The following MALRD1 variants were observed in gnomAD, a reference collection of about 807,000 sequenced individuals.
MALRD1 encodes the protein MAM and LDL receptor class A domain containing 1.
In MALRD1, 247 loss-of-function variants were observed where a neutral mutation model predicts 242.1. That is an observed-to-expected ratio of 1.02 (90% CI 0.92 to 1.13). The LOEUF (loss-of-function observed/expected upper bound fraction) is 1.13, where lower values mean the gene tolerates loss of function less well. Ranked by LOEUF, MALRD1 falls within the 50% of genes most tolerant of loss-of-function variation. MALRD1 has a pLI of 0.00. For missense variants in MALRD1, 2,989 were observed against 2,533.1 expected, an observed-to-expected ratio of 1.18 and a Z score of -3.86; for synonymous variants, 995 against 866.6, an observed-to-expected ratio of 1.15 and a Z score of -2.60.
At chr10:19,576,127 T>A (rs537080631) in intron 33 of MALRD1, among the ~76,000 whole-genome samples, 1 of 152,132 alleles carries the variant, frequency 6.6e-6, no homozygotes, top group African/African-American at 2.4e-5. Context: ...GCAAGTGAGG[T>A]TGACAACATT....
At chr10:19,662,843 G>C (rs997320985) in intron 36 of MALRD1, among the ~76,000 whole-genome samples, 3 of 152,114 alleles carry the variant, frequency 2.0e-5, no homozygotes, top group African/African-American at 7.2e-5. Context: ...ACCCAGGTAA[G>C]TGGGATGTGG....
intron 28 of MALRD1, among the ~76,000 whole-genome samples, chr10:19,430,132 T>TTTTG (rs60561217): frequency 6.9e-6 from 1 of 144,404 alleles, no homozygotes; most frequent in Non-Finnish European, 1.5e-5. Context: ...TTTTTTTTTT[T>TTTTG]GAGATGGAGG....
intron 14 of MALRD1, among the ~76,000 whole-genome samples, chr10:19,182,840 T>C (rs544436005): frequency 2.3e-4 from 35 of 152,258 alleles, no homozygotes; most frequent in Admixed American, 2.2e-3. Flanking sequence ...ACTTAGTAAA[T>C]GCTGTCGAGA....
chr10:19,059,033 T>C (rs1020227565), intron 1 of MALRD1, among the ~76,000 whole-genome samples: 5 of 152,260 alleles, frequency 3.3e-5, no homozygotes, highest in African/African-American at 1.2e-4. Flanking sequence ...AATGAGTTCA[T>C]GCAAAAAGTC....
intron 38 of MALRD1, among the ~76,000 whole-genome samples, chr10:19,702,531 A>G (rs1833674186): frequency 6.6e-6 from 1 of 152,206 alleles, no homozygotes; most frequent in African/African-American, 2.4e-5. Context: ...CTGGGATTGT[A>G]TGCATAATTT....
rs916893051 is a variant in MALRD1, at chr10:19,184,241, T to C, written c.1951+8913T>C. Among the ~76,000 whole-genome samples the C allele has an allele frequency of 2.6e-5, 4 of 152,334 alleles. No homozygotes were observed. In the East Asian group the frequency reaches 7.7e-4, roughly 29 times the overall value. ...TTTTCATTTAAGGGAATGTTTAACA[T>C]GATCTGCACATCTTAGCTCTCAAGT... On this transcript the variant is annotated intron_variant, in intron 14 of 39. Coordinates refer to ENST00000454679, the MANE Select transcript of MALRD1 (RefSeq NM_001142308.3).
intron 33 of MALRD1, among the ~76,000 whole-genome samples, chr10:19,586,400 T>G (rs1429298873): frequency 1.3e-5 from 2 of 152,140 alleles, no homozygotes; most frequent in African/African-American, 4.8e-5. Context: ...ACAGATGGGT[T>G]TTTGGTGTGG....
intron 34 of MALRD1, among the ~76,000 whole-genome samples, chr10:19,597,773 G>A (rs1220236428): frequency 6.6e-6 from 1 of 152,170 alleles, no homozygotes; most frequent in Non-Finnish European, 1.5e-5. Flanking sequence ...AGCACCTCGT[G>A]TTAGAAGGCA....
intron 14 of MALRD1, among the ~76,000 whole-genome samples, chr10:19,179,697 T>C (rs1835414663): frequency 6.6e-6 from 1 of 152,228 alleles, no homozygotes; most frequent in South Asian, 2.1e-4. Flanking sequence ...TTTATTAAAT[T>C]ATTTTTAACA....
intron 13 of MALRD1, among the ~76,000 whole-genome samples, chr10:19,170,558 A>G (rs1210175106): frequency 2.0e-5 from 3 of 152,182 alleles, no homozygotes; most frequent in Non-Finnish European, 4.4e-5. Flanking sequence ...GGTAAGATTC[A>G]TAACACAAAA....
In MALRD1 at chr10:19,443,324, G is replaced by C. The variant is rs374655426; in HGVS notation, c.4846-6983G>C. On this transcript the variant is annotated intron_variant, in intron 28 of 39. Transcript: ENST00000454679. ...TTTTATTGTGTTTCTATCTCCTTCA[G>C]TTCTGCTCTGATCATAGTTATTTCT... Among the ~76,000 whole-genome samples, 8 of 152,204 alleles carry C rather than the reference G, an allele frequency of 5.3e-5. No individual in the cohort carries two copies. The East Asian group carries it at 1.6e-3, about 29-fold the overall frequency.
At chr10:19,306,564 T>C (rs964316004) in intron 21 of MALRD1, among the ~76,000 whole-genome samples, 3 of 148,490 alleles carry the variant, frequency 2.0e-5, no homozygotes, top group African/African-American at 4.9e-5. Flanking sequence ...AGTATGGTAG[T>C]ATATATATAC....
intron 29 of MALRD1, among the ~76,000 whole-genome samples, chr10:19,485,191 G>A (rs1329546293): frequency 6.6e-6 from 1 of 152,166 alleles, no homozygotes; most frequent in East Asian, 1.9e-4. Context: ...GAGGCTGAGA[G>A]AGTAGTTCGA....
At chr10:19,117,163 A>G (rs1278239915) in intron 5 of MALRD1, among the ~76,000 whole-genome samples, 1 of 152,024 alleles carries the variant, frequency 6.6e-6, no homozygotes, top group Non-Finnish European at 1.5e-5. Context: ...TAATATGAGT[A>G]TAAATAACTG....
intron 24 of MALRD1, among the ~76,000 whole-genome samples, chr10:19,342,010 C>G (rs943184718): frequency 3.3e-5 from 5 of 152,076 alleles, no homozygotes; most frequent in African/African-American, 1.2e-4. Flanking sequence ...ATAGCGTTCT[C>G]TAATTTCCAA....
intron 28 of MALRD1, among the ~76,000 whole-genome samples, chr10:19,432,472 A>G (rs1233093406): frequency 2.0e-5 from 3 of 152,236 alleles, no homozygotes; most frequent in Non-Finnish European, 2.9e-5. Context: ...CAGTGGTTAC[A>G]GTTCCATGAA....
At chr10:19,139,541 T>G (rs1157356426) in intron 10 of MALRD1, among the ~76,000 whole-genome samples, 2 of 152,200 alleles carry the variant, frequency 1.3e-5, no homozygotes, top group Non-Finnish European at 2.9e-5. Flanking sequence ...TGAGTAAATA[T>G]GAACTCGTGA....
At chr10:19,215,002 A>C (rs977566055) in intron 18 of MALRD1, among the ~76,000 whole-genome samples, 3 of 152,220 alleles carry the variant, frequency 2.0e-5, no homozygotes, top group African/African-American at 7.2e-5. Context: ...AAAGTCAACA[A>C]GCAAAATGCC....
chr10:19,503,660 G>A (rs930030441), intron 31 of MALRD1, among the ~76,000 whole-genome samples: 8 of 152,112 alleles, frequency 5.3e-5, no homozygotes, highest in African/African-American at 1.7e-4. Context: ...TCTTTTAAAT[G>A]ATATAATCGG....
Sources: allele counts gnomAD v4.1 joint callset (sites outside exome capture counted in the v4.1 genomes callset), GRCh38; gene constraint gnomAD v4.1.1; transcripts MANE v1.5; gene names NCBI Gene and HGNC (gene_info 2026-07-23, HGNC 2026-07-21).